ITFG1: variants seen among roughly 807,000 people sequenced by gnomAD.
ITFG1 encodes T-cell immunomodulatory protein.
In ITFG1, 34 loss-of-function variants were observed where a neutral mutation model predicts 81.8. The observed-to-expected ratio is 0.42, with a 90% CI of 0.32 to 0.55. The LOEUF (loss-of-function observed/expected upper bound fraction) is 0.55. ITFG1 is among the 20% of genes least tolerant of loss of function. ITFG1 has a pLI of 0.17. For synonymous variants in ITFG1, 285 were observed against 270.6 expected (o/e 1.05, Z -0.52); for missense variants, 672 against 755.4 (o/e 0.89, Z 1.29).
intron 14 of ITFG1, among the ~76,000 whole-genome samples, chr16:47,216,267 T>G (rs891007410): frequency 1.3e-5 from 2 of 152,086 alleles, no homozygotes; most frequent in African/African-American, 4.8e-5. Flanking sequence ...TGCCCTCAGC[T>G]CACTGCAACT....
intron 5 of ITFG1, among the ~76,000 whole-genome samples, chr16:47,436,891 G>A (rs1426788885): frequency 2.0e-5 from 3 of 152,016 alleles, no homozygotes; most frequent in African/African-American, 4.8e-5. Flanking sequence ...CATTACAAAC[G>A]TTTATCAAAT....
intron 14 of ITFG1, among the ~76,000 whole-genome samples, chr16:47,169,104 A>T (rs1394908044): frequency 6.6e-6 from 1 of 152,152 alleles, no homozygotes; most frequent in Non-Finnish European, 1.5e-5. Flanking sequence ...TTTTGCCAGC[A>T]CTATGCTTGT....
intron 10 of ITFG1, among the ~76,000 whole-genome samples, chr16:47,292,016 T>C (rs1966912698): frequency 6.6e-6 from 1 of 152,142 alleles, no homozygotes; most frequent in South Asian, 2.1e-4. Context: ...CCATTTTTCC[T>C]TGCTTTTTTT....
chr16:47,341,033 G>A (rs760392561), intron 8 of ITFG1, among the ~76,000 whole-genome samples: 3 of 152,002 alleles, frequency 2.0e-5, no homozygotes, highest in African/African-American at 4.8e-5. Context: ...AGCAATAGCA[G>A]AAGAGAAACA....
intron 14 of ITFG1, among the ~76,000 whole-genome samples, chr16:47,182,619 T>G (rs544758983): frequency 6.6e-6 from 1 of 152,218 alleles, no homozygotes; most frequent in South Asian, 2.1e-4. Flanking sequence ...AAAACGAAAA[T>G]ATAATGGAAT....
intron 6 of ITFG1, among the ~76,000 whole-genome samples, chr16:47,387,223 G>C (rs766507448): frequency 5.3e-5 from 8 of 152,158 alleles, no homozygotes; most frequent in Non-Finnish European, 1.0e-4. Flanking sequence ...CAAAGCTGTA[G>C]CCTCTGAGGA....
intron 10 of ITFG1, among the ~76,000 whole-genome samples, chr16:47,283,678 C>T (rs566839059): frequency 7.9e-5 from 12 of 152,312 alleles, no homozygotes; most frequent in South Asian, 6.2e-4. Flanking sequence ...GCTAACACTT[C>T]GACTTTAGCC....
intron 10 of ITFG1, among the ~76,000 whole-genome samples, chr16:47,296,013 C>T (rs1966975795): frequency 6.6e-6 from 1 of 152,180 alleles, no homozygotes; most frequent in African/African-American, 2.4e-5. Flanking sequence ...ATCTTCCCAC[C>T]TTAGCCTCCC....
rs1476655955 is a variant in ITFG1 at position 47,409,389 on chromosome 16, T to C, written c.655+19415A>G. On this transcript the variant is annotated intron_variant, in intron 6 of 17. Coordinates refer to ENST00000320640, the MANE Select transcript of ITFG1 (RefSeq NM_030790.5). ...TACACACACACTATATATATATATA[T>C]ATATATATATATATATTTTTTTTTT... Among the ~76,000 whole-genome samples the C allele has an allele frequency of 3.9e-4, 6 of 15,526 alleles. 2 individuals carry two copies. Among genetic ancestry groups the C allele is most frequent in the Admixed American group, 2.4e-3 (4 of 1,694 alleles). 10.2% of individuals were successfully genotyped at this position (15,526 alleles called of 152,430 possible). A position where few individuals can be genotyped will look rare whatever the true frequency, so the allele number is the denominator to read the frequency against.
intron 6 of ITFG1, among the ~76,000 whole-genome samples, chr16:47,421,217 C>T (rs757357988): frequency 2.7e-5 from 4 of 148,652 alleles, no homozygotes; most frequent in Admixed American, 6.8e-5. Flanking sequence ...AGTCTAAAAA[C>T]GTATGTGTGT....
intron 10 of ITFG1, among the ~76,000 whole-genome samples, chr16:47,282,679 C>T (rs961768510): frequency 4.6e-5 from 7 of 152,086 alleles, no homozygotes; most frequent in African/African-American, 1.4e-4. Flanking sequence ...TACTGTTTTC[C>T]ACAGAGGTTG....
chr16:47,459,807 A>G (rs961689492), intron 1 of ITFG1, among the ~76,000 whole-genome samples: 1 of 152,232 alleles, frequency 6.6e-6, no homozygotes, highest in Middle Eastern at 3.2e-3. Context: ...CAGTTTGGAC[A>G]CAGCAGCAAC....
chr16:47,385,050 TG>T (rs1380615697), intron 6 of ITFG1, among the ~76,000 whole-genome samples: 2 of 152,240 alleles, frequency 1.3e-5, no homozygotes, highest in African/African-American at 4.8e-5. Flanking sequence ...TGGACGAATT[TG>T]AGGAGGGCTT....
chr16:47,279,671 A>C (rs1390233512), intron 10 of ITFG1, among the ~76,000 whole-genome samples: 1 of 152,186 alleles, frequency 6.6e-6, no homozygotes, highest in Non-Finnish European at 1.5e-5. Flanking sequence ...ATCTACAAAA[A>C]AACTCTACTG....
chr16:47,452,015 T>G (rs532745422), intron 4 of ITFG1, among the ~76,000 whole-genome samples: 1 of 152,336 alleles, frequency 6.6e-6, no homozygotes, highest in African/African-American at 2.4e-5. Context: ...TAAAACTTCA[T>G]ACTGGCCATT....
chr16:47,326,140 T>C (rs886506245), intron 8 of ITFG1, among the ~76,000 whole-genome samples: 1 of 152,218 alleles, frequency 6.6e-6, no homozygotes, highest in East Asian at 1.9e-4. Flanking sequence ...CAAGTGGGCA[T>C]CATCCCTGGG....
At chr16:47,351,968 G>A (rs992864496) in intron 8 of ITFG1, among the ~76,000 whole-genome samples, 4 of 152,016 alleles carry the variant, frequency 2.6e-5, no homozygotes, top group Non-Finnish European at 5.9e-5. Context: ...AAAGGATTCC[G>A]TATTTAACAA....
intron 12 of ITFG1, among the ~76,000 whole-genome samples, chr16:47,257,135 A>G (rs1361710722): frequency 6.6e-6 from 1 of 152,248 alleles, no homozygotes; most frequent in Non-Finnish European, 1.5e-5. Context: ...TCAATATAGT[A>G]AATGAAAATT....
At chr16:47,185,902 A>G (rs1965205738) in intron 14 of ITFG1, among the ~76,000 whole-genome samples, 1 of 152,202 alleles carries the variant, frequency 6.6e-6, no homozygotes, top group Non-Finnish European at 1.5e-5. Context: ...AATCAAATAG[A>G]TGCAATAAAA....
Sources: gnomAD v4.1 joint callset for allele counts (sites outside exome capture counted in the v4.1 genomes callset) on GRCh38, gnomAD v4.1.1 for gene constraint, MANE v1.5 for transcripts, NCBI Gene and HGNC (gene_info 2026-07-23, HGNC 2026-07-21) for gene names.